Variants in LRRFIP2 observed in about 807,000 individuals in gnomAD.
LRRFIP2 encodes the protein LRR binding FLII interacting protein 2.
In LRRFIP2, 109 loss-of-function variants were observed where a neutral mutation model predicts 125.9. The observed-to-expected ratio is 0.87, with a 90% confidence interval of 0.74 to 1.01. LRRFIP2 has a LOEUF of 1.01. Ranked by LOEUF, LRRFIP2 falls within the 50% of genes least tolerant of loss-of-function variation. The pLI is 0.00. For missense variants in LRRFIP2, 850 were observed against 862.3 expected, an observed-to-expected ratio of 0.99 and a Z score of 0.18; for synonymous variants, 291 against 293.1, an observed-to-expected ratio of 0.99 and a Z score of 0.07.
At chr3:37,155,915 C>T (rs2096174438) in intron 1 of LRRFIP2, among the ~76,000 whole-genome samples, 1 of 152,142 alleles carries the variant, frequency 6.6e-6, no homozygotes, top group Non-Finnish European at 1.5e-5. Flanking sequence ...CACTCTGTCT[C>T]CCAGGCTGGA....
chr3:37,102,388 C>T (rs6800554), intron 15 of LRRFIP2, among the ~76,000 whole-genome samples: 68,528 of 151,214 alleles, frequency 0.45, 16,173 homozygotes, highest in Non-Finnish European at 0.49. Context: ...GGGTTCTATG[C>T]GGAGATTTTT....
At chr3:37,078,513 CAA>C (rs1559738289) in intron 19 of LRRFIP2, among the ~76,000 whole-genome samples, 1 of 151,988 alleles carries the variant, frequency 6.6e-6, no homozygotes, top group Non-Finnish European at 1.5e-5. Context: ...GGGAAACAAA[CAA>C]AGATACAGAT....
intron 1 of LRRFIP2, among the ~76,000 whole-genome samples, chr3:37,173,566 C>T (rs1037236642): frequency 6.6e-6 from 1 of 152,180 alleles, no homozygotes; most frequent in Non-Finnish European, 1.5e-5. Flanking sequence ...ACATAGAAAG[C>T]AACTACCTAA....
chr3:37,121,491 C>T lies in LRRFIP2; in HGVS notation c.330+1G>A. ...TTGTGTAGACAAGTTAAAATACCAA[C>T]CCTGTGACTGCCAACACTTCGAATG... On this transcript the variant is annotated splice_donor_variant, in intron 6 of 27. Coordinates refer to ENST00000336686, the MANE Select transcript of LRRFIP2 (RefSeq NM_006309.4). LOFTEE classifies it high-confidence loss of function. The T allele has an allele frequency of 6.2e-7, 1 of 1,613,774 alleles. No individual in the cohort carries two copies.
intron 2 of LRRFIP2, among the ~76,000 whole-genome samples, chr3:37,134,304 T>A (rs999234862): frequency 6.6e-6 from 1 of 152,050 alleles, no homozygotes; most frequent in African/African-American, 2.4e-5. Flanking sequence ...TATCACTCAA[T>A]GAATAATTAG....
At chr3:37,150,446 G>C (rs994539541) in intron 1 of LRRFIP2, among the ~76,000 whole-genome samples, 2 of 152,222 alleles carry the variant, frequency 1.3e-5, no homozygotes, top group Middle Eastern at 3.4e-3. Context: ...TGGGCAACAA[G>C]AGAGAAACTC....
intron 2 of LRRFIP2, among the ~76,000 whole-genome samples, chr3:37,142,051 G>T (rs2095715289): frequency 6.6e-6 from 1 of 151,962 alleles, no homozygotes; most frequent in South Asian, 2.1e-4. Context: ...TGACTTTTCA[G>T]AGCCATATTC....
chr3:37,166,968 T>C (rs1237192617), intron 1 of LRRFIP2, among the ~76,000 whole-genome samples: 2 of 151,238 alleles, frequency 1.3e-5, no homozygotes, highest in Non-Finnish European at 2.9e-5. Context: ...TGAGCAGAGA[T>C]AGCGCCATTG....
intron 7 of LRRFIP2, 119 bp downstream of exon 7, chr3:37,114,935 C>T (rs1189205507): frequency 2.7e-6 from 2 of 751,236 alleles, no homozygotes; most frequent in Admixed American, 2.4e-5. Context: ...TTGTTAGTCA[C>T]ACATTTTCCC....
At chr3:37,161,179 TAAAA>T (rs60688555) in intron 1 of LRRFIP2, among the ~76,000 whole-genome samples, 1 of 88,138 alleles carries the variant, frequency 1.1e-5, no homozygotes, top group African/African-American at 4.4e-5. Flanking sequence ...CCCCATCTAC[TAAAA>T]AAAAAAAAAA....
chr3:37,113,450 C>T (rs572119232), intron 7 of LRRFIP2, among the ~76,000 whole-genome samples: 1 of 152,262 alleles, frequency 6.6e-6, no homozygotes, highest in South Asian at 2.1e-4. Context: ...GCATGTACCA[C>T]TACACCCAGC....
chr3:37,139,876 C>G (rs1324095237), intron 2 of LRRFIP2, among the ~76,000 whole-genome samples: 4 of 152,098 alleles, frequency 2.6e-5, no homozygotes, highest in Admixed American at 2.6e-4. Context: ...TCACACCTCC[C>G]TCTTCACTTC....
chr3:37,134,303 A>G (rs2095503374), intron 2 of LRRFIP2, among the ~76,000 whole-genome samples: 1 of 152,222 alleles, frequency 6.6e-6, no homozygotes, highest in Non-Finnish European at 1.5e-5. Context: ...GTATCACTCA[A>G]TGAATAATTA....
chr3:37,155,502 G>A (rs1204650175), intron 1 of LRRFIP2, among the ~76,000 whole-genome samples: 2 of 152,094 alleles, frequency 1.3e-5, no homozygotes, highest in African/African-American at 4.8e-5. Flanking sequence ...AAACAAAAAA[G>A]GAGAAATTTT....
At chr3:37,135,165 T>TTA in intron 2 of LRRFIP2, 1 of 830,536 alleles carries the variant, frequency 1.2e-6, no homozygotes, top group Non-Finnish European at 1.8e-6. Flanking sequence ...AATTACTGTT[T>TTA]AAAAAAAAAA....
chr3:37,130,996 C>T (rs1032811440), intron 2 of LRRFIP2, among the ~76,000 whole-genome samples: 7 of 152,218 alleles, frequency 4.6e-5, no homozygotes, highest in African/African-American at 1.7e-4. Context: ...GCAAAAGTTA[C>T]AGCCACAGTG....
chr3:37,072,826 G>C lies in LRRFIP2; in HGVS notation c.1428C>G (p.Leu476=). 3 of 1,613,108 alleles carry C rather than the reference G, an allele frequency of 1.9e-6. No homozygotes were observed. Among genetic ancestry groups the C allele is most frequent in the Non-Finnish European group, 2.5e-6 (3 of 1,179,520 alleles). Residue 476 remains leucine (L), a synonymous_variant, in exon 21 of 28, where the codon CTC becomes CTG. Coordinates refer to ENST00000336686, the MANE Select transcript of LRRFIP2 (RefSeq NM_006309.4). ...TATCTTTCCAAAGAAGTGTCTCCTGGAGGTCAAACACCTCTTTTGTCATGG... is the reference window on the plus strand; with the variant it reads ...TATCTTTCCAAAGAAGTGTCTCCTGCAGGTCAAACACCTCTTTTGTCATGG... ...IDTMTKEVFD[L]QETLLWKDKK...
chr3:37,130,307 G>A (rs912868496), intron 2 of LRRFIP2, among the ~76,000 whole-genome samples: 1 of 152,090 alleles, frequency 6.6e-6, no homozygotes, highest in African/African-American at 2.4e-5. Context: ...TCTTCTACAT[G>A]GTTATATGAT....
At chr3:37,072,084 T>C (rs750991285) in intron 21 of LRRFIP2, among the ~76,000 whole-genome samples, 30 of 152,156 alleles carry the variant, frequency 2.0e-4, no homozygotes, top group Non-Finnish European at 3.2e-4. Flanking sequence ...ACACCAAGGA[T>C]TTATAGGATG....
Sources: allele counts gnomAD v4.1 joint callset (sites outside exome capture counted in the v4.1 genomes callset), GRCh38; gene constraint gnomAD v4.1.1; transcripts MANE v1.5; gene names NCBI Gene and HGNC (gene_info 2026-07-23, HGNC 2026-07-21).